VAMP1: variants seen among roughly 807,000 people sequenced by gnomAD.
The protein encoded by VAMP1 is vesicle associated membrane protein 1, also known as vesicle-associated membrane protein 1.
Under a neutral mutation model 19.1 loss-of-function variants are expected in VAMP1, and 16 were observed. The ratio of observed to expected loss-of-function variants is 0.84; its 90% confidence interval spans 0.57 to 1.27. The LOEUF (loss-of-function observed/expected upper bound fraction) is 1.27. VAMP1 is among the 50% of genes most tolerant of loss of function. The probability of loss-of-function intolerance (pLI) is 0.00; values close to 1 mark genes in which losing one functional copy is unlikely to be tolerated. For missense variants in VAMP1, 109 were observed against 145.4 expected (o/e 0.75, Z 1.29); for synonymous variants, 37 against 50.2 (o/e 0.74, Z 1.11).
intron 1 of VAMP1, among the ~76,000 whole-genome samples, chr12:6,470,246 A>G (rs1471655086): frequency 6.6e-6 from 1 of 151,506 alleles, no homozygotes; most frequent in African/African-American, 2.4e-5. Context: ...AGTCTCCACT[A>G]TACCAAAACC....
In VAMP1 at chr12:6,463,072, A is replaced by G; in HGVS notation, c.*1398T>C. 1 of 1,535,850 alleles carries G rather than the reference A, an allele frequency of 6.5e-7. No homozygotes were observed. The highest frequency in any genetic ancestry group is 1.2e-5 in the South Asian group (1 of 83,636). ...TTGCACCTGGGCTTATCCCACATTA[A>G]TAGCCCATCCTGAAGCTCAGCAATT... On this transcript the variant is annotated 3_prime_UTR_variant, in exon 5 of 5. Transcript: ENST00000396308. This position sits in a 1 kb window ranked among gnomAD's most constrained non-coding sequence, Gnocchi z 4.0.
intron 3 of VAMP1, 185 bp from the exon 4 acceptor site, chr12:6,465,126 A>G: frequency 1.3e-6 from 1 of 770,322 alleles, no homozygotes; most frequent in African/African-American, 1.8e-5. Flanking sequence ...TCATAACCAC[A>G]GTATGTCTGT....
At position 6,463,159 on chromosome 12, in the gene VAMP1, T is replaced by A; in HGVS notation, c.*1311A>T. 6.9e-7 allele frequency: 1 copy of A among 1,444,508 alleles called. No individual in the cohort carries two copies. Among genetic ancestry groups the A allele is most frequent in the East Asian group, 2.5e-5 (1 of 39,942 alleles). 89.5% of individuals were successfully genotyped at this position (1,444,508 alleles called of 1,614,324 possible). A position where few individuals can be genotyped will look rare whatever the true frequency, so the allele number is the denominator to read the frequency against. On this transcript the variant is annotated 3_prime_UTR_variant, in exon 5 of 5. Transcript: ENST00000396308. This position sits in a 1 kb window ranked among gnomAD's most constrained non-coding sequence, Gnocchi z 4.0. The stretch of plus-strand genomic sequence containing the variant: ...TTCCACTGTCTATACACACAAACCA[T>A]GCAAAGAGGAGGAAGAGAAAGGAGG...
At position 6,463,012 on chromosome 12, in the gene VAMP1, ATT is replaced by A; in HGVS notation, c.*1456_*1457del. The A allele has an allele frequency of 6.5e-7, 1 of 1,549,160 alleles. No individual in the cohort carries two copies. Among genetic ancestry groups the A allele is most frequent in the Non-Finnish European group, 8.7e-7 (1 of 1,146,956 alleles). On this transcript the variant is annotated 3_prime_UTR_variant, in exon 5 of 5. Transcript: ENST00000396308. The surrounding 1 kb of genome is among the most constrained non-coding windows in gnomAD (Gnocchi z 4.0). ...GAAGAAGGAATAAAGGGCCATGGGCATTCTCCGCTCTGTTCCCAGCCTGCCCT... is the reference window on the plus strand; with the variant it reads ...GAAGAAGGAATAAAGGGCCATGGGCACTCCGCTCTGTTCCCAGCCTGCCCT...
chr12:6,468,100 G>T (rs1945675355), intron 1 of VAMP1, among the ~76,000 whole-genome samples: 1 of 152,206 alleles, frequency 6.6e-6, no homozygotes. Context: ...CTGGAACACT[G>T]CCTAGTGGAG....
chr12:6,462,689 G>T lies in VAMP1; in HGVS notation c.*1781C>A. 2 of 894,740 alleles carry T rather than the reference G, an allele frequency of 2.2e-6. No individual in the cohort carries two copies. Among genetic ancestry groups the T allele is most frequent in the Non-Finnish European group, 3.4e-6 (2 of 592,584 alleles). 55.4% of individuals were successfully genotyped at this position (894,740 alleles called of 1,614,324 possible). On this transcript the variant is annotated 3_prime_UTR_variant, in exon 5 of 5. Coordinates refer to ENST00000396308, the MANE Select transcript of VAMP1 (RefSeq NM_014231.5). The stretch of plus-strand genomic sequence containing the variant: ...CTGGGAGAGCCAAGAGGACGGATTC[G>T]CTCCAGGCTTGGGACACATCGAGGA...
intron 1 of VAMP1, among the ~76,000 whole-genome samples, chr12:6,469,960 C>G (rs1945728835): frequency 6.6e-6 from 1 of 152,206 alleles, no homozygotes; most frequent in Non-Finnish European, 1.5e-5. Context: ...CCCACTACCC[C>G]TTGAGTCTTT....
At chr12:6,468,098 C>T (rs1945675270) in intron 1 of VAMP1, among the ~76,000 whole-genome samples, 1 of 152,248 alleles carries the variant, frequency 6.6e-6, no homozygotes, top group Non-Finnish European at 1.5e-5. Context: ...CACTGGAACA[C>T]TGCCTAGTGG....
At chr12:6,465,325 C>T (rs1949975625) in intron 3 of VAMP1, 1 of 321,734 alleles carries the variant, frequency 3.1e-6, no homozygotes, top group African/African-American at 2.9e-5. Context: ...ATATTTCAAT[C>T]TGAGAAAGCT....
intron 3 of VAMP1, chr12:6,465,468 T>TGTGTGC (rs1949999936): frequency 1.3e-5 from 1 of 77,296 alleles, no homozygotes; most frequent in Non-Finnish European, 2.2e-5. Context: ...GTATATATAG[T>TGTGTGC]GTGTGTGTGT....
rs1042649225 is a variant in VAMP1, at chr12:6,464,281, C to A, written c.*189G>T. The stretch of plus-strand genomic sequence containing the variant: ...TCTTCGGGTAATGACTTAGATTGTG[C>A]CACGAGCAGCATTTCTAGTGTTGAG... On this transcript the variant is annotated 3_prime_UTR_variant, in exon 5 of 5. Transcript: ENST00000396308. 10 of 1,536,908 alleles carry A rather than the reference C, an allele frequency of 6.5e-6. No individual in the cohort carries two copies. The highest frequency in any genetic ancestry group is 7.9e-6 in the Non-Finnish European group (9 of 1,140,384).
chr12:6,464,770 A>T (rs1197576508), intron 4 of VAMP1, 120 bp downstream of exon 4: 2 of 1,550,000 alleles, frequency 1.3e-6, no homozygotes, highest in African/African-American at 1.4e-5. Flanking sequence ...ACGATCCCAT[A>T]GCAGCGGTCT....
intron 1 of VAMP1, among the ~76,000 whole-genome samples, chr12:6,467,875 C>T (rs1184452425): frequency 6.6e-6 from 1 of 152,266 alleles, no homozygotes; most frequent in Non-Finnish European, 1.5e-5. Context: ...GTGGAAGCCC[C>T]AAGCCTTGGC....
chr12:6,464,625 C>T (rs369568272), intron 4 of VAMP1, 139 bp from the exon 5 acceptor site: 15 of 1,456,096 alleles, frequency 1.0e-5, no homozygotes, highest in African/African-American at 7.2e-5. Flanking sequence ...CCCTCCAACC[C>T]AAGCCAGTGA....
At position 6,464,219 on chromosome 12, in the gene VAMP1, C is replaced by T. The variant is rs1949947520; in HGVS notation, c.*251G>A. ...GGGGCTTTGGGGGAACTTGAGAGTA[C>T]AGAAAAAGCAGGCAGGGAGGAGGCG... is the stretch of plus-strand genomic sequence containing the variant. On this transcript the variant is annotated 3_prime_UTR_variant, in exon 5 of 5. Transcript: ENST00000396308. 2 of 1,503,366 alleles carry T rather than the reference C, an allele frequency of 1.3e-6. No homozygotes were observed. Among genetic ancestry groups the T allele is most frequent in the African/African-American group, 1.4e-5 (1 of 72,382 alleles). The allele number at this position is 1,503,366 out of a possible 1,614,324, so 93.1% of individuals were successfully genotyped here.
In VAMP1 at chr12:6,463,436, G is replaced by A; in HGVS notation, c.*1034C>T. On this transcript the variant is annotated 3_prime_UTR_variant, in exon 5 of 5. Transcript: ENST00000396308. The surrounding 1 kb of genome is among the most constrained non-coding windows in gnomAD (Gnocchi z 4.0). ...TCTTTGGCAAGTGCACGGGTGGTGTGGAGGAAAGGATTCCATGGGTGTCCA... is the reference window on the plus strand; with the variant it reads ...TCTTTGGCAAGTGCACGGGTGGTGTAGAGGAAAGGATTCCATGGGTGTCCA... 1.9e-6 allele frequency: 2 copies of A among 1,046,954 alleles called. No individual in the cohort carries two copies. The highest frequency in any genetic ancestry group is 2.3e-6 in the Non-Finnish European group (2 of 866,258). The allele number at this position is 1,046,954 out of a possible 1,614,324, so 64.9% of individuals were successfully genotyped here.
At chr12:6,466,114 C>T in intron 2 of VAMP1, 111 bp downstream of exon 2, 2 of 1,611,334 alleles carry the variant, frequency 1.2e-6, no homozygotes, top group Middle Eastern at 1.7e-4. Context: ...TGCTTTGCCT[C>T]TCAGGGCCTT....
Position 6,462,458 on chromosome 12 carries a change from T to C in VAMP1, c.*2012A>G. On this transcript the variant is annotated 3_prime_UTR_variant, in exon 5 of 5. Transcript: ENST00000396308. The stretch of plus-strand genomic sequence containing the variant: ...ACGGGATGTGGGAAGCTCAGCTTCA[T>C]TTGACTGCAAAGTCCCAGGGTTTTG... 2.0e-6 allele frequency: 1 copy of C among 493,014 alleles called. No homozygotes were observed. Among genetic ancestry groups the C allele is most frequent in the Non-Finnish European group, 3.6e-6 (1 of 276,906 alleles). The allele number at this position is 493,014 out of a possible 1,614,324, so 30.5% of individuals were successfully genotyped here. A position where few individuals can be genotyped will look rare whatever the true frequency, so the allele number is the denominator to read the frequency against.
chr12:6,462,888 G>T lies in VAMP1; in HGVS notation c.*1582C>A. On this transcript the variant is annotated 3_prime_UTR_variant, in exon 5 of 5. Coordinates refer to ENST00000396308, the MANE Select transcript of VAMP1 (RefSeq NM_014231.5). ...TGTGGGAAACAAGGGCGAAAGGAAAGGAAGGATGGTTTTGAGCAATGAAAT... is the reference window on the plus strand; with the variant it reads ...TGTGGGAAACAAGGGCGAAAGGAAATGAAGGATGGTTTTGAGCAATGAAAT... 1 of 1,592,464 alleles carries T rather than the reference G, an allele frequency of 6.3e-7. No individual in the cohort carries two copies.
Sources: gnomAD v4.1 joint callset for allele counts (sites outside exome capture counted in the v4.1 genomes callset) on GRCh38, gnomAD v4.1.1 for gene constraint, Gnocchi (gnomAD v3.1) non-coding constraint, MANE v1.5 for transcripts, NCBI Gene and HGNC (gene_info 2026-07-23, HGNC 2026-07-21) for gene names.